The following ANKFN1 variants were observed in gnomAD, a reference collection of about 807,000 sequenced individuals.
The protein encoded by ANKFN1 is ankyrin repeat and fibronectin type-III domain-containing protein 1.
In ANKFN1, 74 loss-of-function variants were observed where a neutral mutation model predicts 108.7. That is an observed-to-expected ratio of 0.68 (90% CI 0.56 to 0.83). ANKFN1 has a LOEUF of 0.83. ANKFN1 is among the 40% of genes least tolerant of loss of function. The pLI is 0.00. For synonymous variants in ANKFN1, 547 were observed against 516.2 expected, an observed-to-expected ratio of 1.06 and a Z score of -0.81; for missense variants, 1,505 against 1,382.3, an observed-to-expected ratio of 1.09 and a Z score of -1.41.
At chr17:56,383,912 G>A (rs1051820013) in intron 8 of ANKFN1, among the ~76,000 whole-genome samples, 10 of 152,134 alleles carry the variant, frequency 6.6e-5, no homozygotes, top group Non-Finnish European at 1.3e-4. Context: ...AGGAGGAACT[G>A]GTACCATTAC....
At chr17:56,203,188 T>C (rs946983399) in intron 1 of ANKFN1, among the ~76,000 whole-genome samples, 1 of 152,224 alleles carries the variant, frequency 6.6e-6, no homozygotes, top group African/African-American at 2.4e-5. Context: ...GGACATTTTT[T>C]ATTTTTATGA....
intron 4 of ANKFN1, among the ~76,000 whole-genome samples, chr17:56,347,546 T>C (rs1276770532): frequency 2.0e-5 from 3 of 152,078 alleles, no homozygotes; most frequent in East Asian, 1.9e-4. Flanking sequence ...CAAATGCTTG[T>C]CTCTTTCCAT....
intron 8 of ANKFN1, among the ~76,000 whole-genome samples, chr17:56,395,784 G>T (rs1438381380): frequency 6.6e-6 from 1 of 152,116 alleles, no homozygotes; most frequent in Non-Finnish European, 1.5e-5. Context: ...GGAAGGTGGA[G>T]GTTGCTGTGA....
At chr17:56,473,941 G>A (rs1044338945) in intron 15 of ANKFN1, among the ~76,000 whole-genome samples, 7 of 152,104 alleles carry the variant, frequency 4.6e-5, no homozygotes, top group African/African-American at 1.7e-4. Context: ...ATGTTTTTCT[G>A]TGATACTCTT....
At chr17:56,261,963 C>T (rs565569766) in intron 3 of ANKFN1, among the ~76,000 whole-genome samples, 1 of 152,258 alleles carries the variant, frequency 6.6e-6, no homozygotes, top group South Asian at 2.1e-4. Flanking sequence ...CTGCCCAGGT[C>T]CCCAAGGGCC....
At chr17:56,289,647 C>A (rs2044307431) in intron 3 of ANKFN1, among the ~76,000 whole-genome samples, 1 of 152,212 alleles carries the variant, frequency 6.6e-6, no homozygotes, top group Non-Finnish European at 1.5e-5. Context: ...GCCTGGAGCC[C>A]ATGCTTCAGG....
chr17:56,331,604 A>T (rs994121721), intron 4 of ANKFN1, among the ~76,000 whole-genome samples: 1 of 152,162 alleles, frequency 6.6e-6, no homozygotes, highest in African/African-American at 2.4e-5. Context: ...AAATAATAAT[A>T]GCAGAGTTGT....
intron 6 of ANKFN1, among the ~76,000 whole-genome samples, chr17:56,359,757 GACTATAA>G (rs1166593265): frequency 6.6e-6 from 1 of 152,128 alleles, no homozygotes; most frequent in African/African-American, 2.4e-5. Context: ...TAAGAGGTGT[GACTATAA>G]ACTAATGAGG....
At chr17:56,393,795 C>A (rs1478699625) in intron 8 of ANKFN1, among the ~76,000 whole-genome samples, 3 of 152,182 alleles carry the variant, frequency 2.0e-5, no homozygotes, top group African/African-American at 7.2e-5. Flanking sequence ...CACTGAAGTT[C>A]CTACTATGTG....
In ANKFN1 at chr17:56,146,891, G is replaced by A. The variant is rs554314697; in HGVS notation, c.289-81026G>A. On this transcript the variant is annotated intron_variant, in intron 4 of 12. Transcript: ENST00000635860. ...CTTGAATTTCTCCCCCAGAAAATGG[G>A]GTTTTCTTTTTTGTGGCATCATCAG... Among the ~76,000 whole-genome samples, 12 of 152,178 alleles carry A rather than the reference G, an allele frequency of 7.9e-5. 1 individual carries two copies. In the East Asian group the frequency reaches 1.2e-3, roughly 15 times the overall value.
intron 15 of ANKFN1, chr17:56,471,571 A>G (rs2050317483): frequency 6.6e-6 from 1 of 152,230 alleles, no homozygotes; most frequent in Non-Finnish European, 1.5e-5. Flanking sequence ...AATTGGGTTC[A>G]TGTAAAAACT....
chr17:56,271,161 C>T (rs1215213066), intron 3 of ANKFN1, among the ~76,000 whole-genome samples: 1 of 152,084 alleles, frequency 6.6e-6, no homozygotes, highest in African/African-American at 2.4e-5. Context: ...AGGCGCACCA[C>T]CACACCCAGC....
At chr17:56,103,563 T>C (rs16956655) in intron 4 of ANKFN1, among the ~76,000 whole-genome samples, 2,093 of 152,168 alleles carry the variant, frequency 0.014, 23 homozygotes, top group Middle Eastern at 0.044. Context: ...GGGTGTGTGG[T>C]TCTTCCATGA....
intron 4 of ANKFN1, among the ~76,000 whole-genome samples, chr17:56,055,056 C>CT (rs753314197): frequency 0.027 from 3,866 of 143,828 alleles, 112 homozygotes; most frequent in African/African-American, 0.074. Flanking sequence ...TGGCAATTTC[C>CT]TTTTTTTTTT....
chr17:56,065,817 G>A (rs968526273), intron 4 of ANKFN1, among the ~76,000 whole-genome samples: 1 of 152,230 alleles, frequency 6.6e-6, no homozygotes, highest in Non-Finnish European at 1.5e-5. Flanking sequence ...CAGTAATAAC[G>A]AAAAAGTTTG....
intron 3 of ANKFN1, chr17:56,228,180 C>A (rs190699691): frequency 6.5e-6 from 3 of 463,242 alleles, no homozygotes; most frequent in South Asian, 4.2e-5. Flanking sequence ...GACAATATTA[C>A]GTCTAAAGGT....
At chr17:56,277,858 G>T (rs1207842391) in intron 3 of ANKFN1, among the ~76,000 whole-genome samples, 2 of 152,108 alleles carry the variant, frequency 1.3e-5, no homozygotes, top group African/African-American at 4.8e-5. Flanking sequence ...TGAGTCACAC[G>T]ATCTACAGTA....
intron 4 of ANKFN1, among the ~76,000 whole-genome samples, chr17:56,051,807 T>C (rs1192366727): frequency 1.3e-4 from 19 of 151,616 alleles, no homozygotes; most frequent in African/African-American, 4.1e-4. Context: ...CATGAGTGAA[T>C]TCCCATTCAC....
At chr17:56,219,039 A>G (rs1439152350) in intron 2 of ANKFN1, among the ~76,000 whole-genome samples, 1 of 152,172 alleles carries the variant, frequency 6.6e-6, no homozygotes, top group Non-Finnish European at 1.5e-5. Context: ...GGTCTCATAT[A>G]CAATAGACTG....
Sources: allele counts gnomAD v4.1 joint callset (sites outside exome capture counted in the v4.1 genomes callset), GRCh38; gene constraint gnomAD v4.1.1; transcripts MANE v1.5; gene names NCBI Gene and HGNC (gene_info 2026-07-23, HGNC 2026-07-21).